Variants in PLXDC2 observed in about 807,000 individuals in gnomAD.
PLXDC2 encodes the protein plexin domain-containing protein 2.
Under a neutral mutation model 68.9 loss-of-function variants are expected in PLXDC2, and 40 were observed. The ratio of observed to expected loss-of-function variants is 0.58; its 90% CI spans 0.45 to 0.76. The LOEUF (loss-of-function observed/expected upper bound fraction) is 0.76, where lower values mean the gene tolerates loss of function less well. PLXDC2 is among the 30% of genes least tolerant of loss of function. The pLI is 0.00. For synonymous variants in PLXDC2, 243 were observed against 234.2 expected, an observed-to-expected ratio of 1.04 and a Z score of -0.34; for missense variants, 644 against 661.9, an observed-to-expected ratio of 0.97 and a Z score of 0.30.
chr10:20,143,148 T>C, intron 4 of PLXDC2, 147 bp from the exon 5 acceptor site: 10 of 816,596 alleles, frequency 1.2e-5, no homozygotes, highest in Non-Finnish European at 1.8e-5. Flanking sequence ...GTTAATTAGA[T>C]ACTAAGATAT....
chr10:19,823,193 A>C (rs1267669574), intron 1 of PLXDC2, among the ~76,000 whole-genome samples: 1 of 151,928 alleles, frequency 6.6e-6, no homozygotes, highest in African/African-American at 2.4e-5. Context: ...TGGGATGTTT[A>C]CTTATGCTTT....
chr10:20,103,262 G>T (rs570020905), intron 4 of PLXDC2, among the ~76,000 whole-genome samples: 7 of 152,220 alleles, frequency 4.6e-5, no homozygotes, highest in Admixed American at 4.6e-4. Context: ...AAACCTGCCT[G>T]GGTTGTATTT....
chr10:20,060,950 A>G (rs1487524689), intron 3 of PLXDC2, among the ~76,000 whole-genome samples: 1 of 152,266 alleles, frequency 6.6e-6, no homozygotes, highest in Admixed American at 6.5e-5. Flanking sequence ...CTTAGCTCCA[A>G]TGCCTACTGG....
chr10:19,873,059 G>C (rs146751972), intron 1 of PLXDC2, among the ~76,000 whole-genome samples: 1 of 152,096 alleles, frequency 6.6e-6, no homozygotes, highest in African/African-American at 2.4e-5. Flanking sequence ...CAAAACGGTC[G>C]GTACAGGTTC....
chr10:20,002,271 T>TC (rs1336863154), intron 2 of PLXDC2, among the ~76,000 whole-genome samples: 1 of 151,700 alleles, frequency 6.6e-6, no homozygotes, highest in Non-Finnish European at 1.5e-5. Flanking sequence ...TTTTTTTTTT[T>TC]TTTTTGAGAT....
chr10:20,014,320 T>C lies in PLXDC2; in HGVS notation c.324+12334T>C, dbSNP rs73603688. On this transcript the variant is annotated intron_variant, in intron 2 of 13. Coordinates refer to ENST00000377252, the MANE Select transcript of PLXDC2 (RefSeq NM_032812.9). ...CCTTCCTTCCCTCGCCCCACTTTCC[T>C]TCCTTCCTTCTCCCCACCTCCCTCC... Among the ~76,000 whole-genome samples, 650 of 133,926 alleles carry C rather than the reference T, an allele frequency of 4.9e-3. 10 individuals are homozygous for C. Among genetic ancestry groups the C allele is most frequent in the African/African-American group, 0.017 (611 of 35,836 alleles). The allele number at this position is 133,926 out of a possible 152,430, so 87.9% of individuals were successfully genotyped here.
intron 1 of PLXDC2, among the ~76,000 whole-genome samples, chr10:19,970,776 A>T (rs1329730047): frequency 1.3e-5 from 2 of 152,208 alleles, no homozygotes; most frequent in Non-Finnish European, 2.9e-5. Context: ...GGGATGCAAC[A>T]TCCGGGCAGC....
At chr10:20,087,989 C>T (rs998061574) in intron 4 of PLXDC2, among the ~76,000 whole-genome samples, 1 of 152,136 alleles carries the variant, frequency 6.6e-6, no homozygotes, top group Non-Finnish European at 1.5e-5. Context: ...GCATTTTAGC[C>T]CATGTAGAAT....
intron 1 of PLXDC2, among the ~76,000 whole-genome samples, chr10:19,909,539 G>C (rs1833228494): frequency 6.6e-6 from 1 of 152,130 alleles, no homozygotes; most frequent in Non-Finnish European, 1.5e-5. Flanking sequence ...AAGAGAAAAG[G>C]ACCAACCAAT....
chr10:20,046,929 C>T lies in PLXDC2; in HGVS notation c.385C>T (p.Arg129Trp), dbSNP rs573135683. The change falls in exon 3 of 14, where the codon CGG (arginine) becomes TGG (tryptophan). Residue 129 changes from arginine to tryptophan, a missense_variant. Physicochemically the swap from Arg to Trp is moderately radical, Grantham distance 101. Coordinates refer to ENST00000377252, the MANE Select transcript of PLXDC2 (RefSeq NM_032812.9). ...ATATGGTCCATCTGATTCTGCCAGC[C>T]GGGATTTATGGGTGAACATAGACCA... is the stretch of plus-strand genomic sequence containing the variant. ...RIYGPSDSAS[R>W]DLWVNIDQME... 1.5e-5 allele frequency: 24 copies of T among 1,611,876 alleles called. No homozygotes were observed. Among genetic ancestry groups the T allele is most frequent in the East Asian group, 2.2e-5 (1 of 44,746 alleles).
intron 1 of PLXDC2, among the ~76,000 whole-genome samples, chr10:19,964,346 G>A (rs144116292): frequency 2.6e-4 from 39 of 152,240 alleles, no homozygotes; most frequent in Middle Eastern, 3.4e-3. Context: ...AGGGAGGTTG[G>A]GCTGATGTTC....
intron 1 of PLXDC2, among the ~76,000 whole-genome samples, chr10:19,943,982 C>T (rs1367590126): frequency 6.6e-6 from 1 of 152,188 alleles, no homozygotes; most frequent in African/African-American, 2.4e-5. Context: ...TTAATTCTTA[C>T]TACTTTCCTC....
At chr10:20,251,936 T>A (rs1835680859) in intron 13 of PLXDC2, among the ~76,000 whole-genome samples, 1 of 144,906 alleles carries the variant, frequency 6.9e-6, no homozygotes. Context: ...GAGTAAAATA[T>A]TGGAGGGTTA....
At chr10:20,272,631 G>T (rs2778962) in intron 13 of PLXDC2, among the ~76,000 whole-genome samples, 69,057 of 151,912 alleles carry the variant, frequency 0.45, 17,219 homozygotes, top group Middle Eastern at 0.62. Context: ...CAGGTAAAAA[G>T]GGGTTGCATC....
rs141664153 is a variant in PLXDC2, at chr10:19,822,319, G to T, written c.112+5128G>T. 5.5e-4 allele frequency among the ~76,000 whole-genome samples: 82 copies of T among 150,372 alleles called. 1 individual carries two copies. In the East Asian group the frequency reaches 0.016, roughly 29 times the overall value. On this transcript the variant is annotated intron_variant, in intron 1 of 13. Transcript: ENST00000377252. ...TATATAATATATATGCACTATATAT[G>T]GAATGTATATGCACTACATATGCAA... is the stretch of plus-strand genomic sequence containing the variant.
intron 1 of PLXDC2, among the ~76,000 whole-genome samples, chr10:19,988,015 C>G (rs182343773): frequency 2.3e-4 from 35 of 152,242 alleles, no homozygotes; most frequent in African/African-American, 8.4e-4. Context: ...CTCTTACCAC[C>G]AAATAATTAC....
chr10:20,044,832 C>T (rs1194110352), intron 2 of PLXDC2, among the ~76,000 whole-genome samples: 1 of 152,176 alleles, frequency 6.6e-6, no homozygotes, highest in African/African-American at 2.4e-5. Flanking sequence ...AGTGTAATAA[C>T]ATGAGCAAAA....
intron 1 of PLXDC2, among the ~76,000 whole-genome samples, chr10:19,893,597 G>T (rs961540976): frequency 1.2e-4 from 18 of 152,152 alleles, no homozygotes; most frequent in South Asian, 2.1e-4. Flanking sequence ...GCAAAAAGAT[G>T]GATATGTGAC....
chr10:20,120,418 A>T (rs898357501), intron 4 of PLXDC2, among the ~76,000 whole-genome samples: 1 of 151,574 alleles, frequency 6.6e-6, no homozygotes, highest in African/African-American at 2.4e-5. Flanking sequence ...ATGGAGGACC[A>T]TAAGGGATAT....
Sources: gnomAD v4.1 joint callset for allele counts (sites outside exome capture counted in the v4.1 genomes callset) on GRCh38, gnomAD v4.1.1 for gene constraint, MANE v1.5 for transcripts, NCBI Gene and HGNC (gene_info 2026-07-23, HGNC 2026-07-21) for gene names.